ERBIN: variants seen among roughly 807,000 people sequenced by gnomAD.
The protein encoded by ERBIN is densin-180-like protein.
A neutral mutation model predicts 158.4 loss-of-function variants in ERBIN; 60 were observed. The observed-to-expected ratio is 0.38, with a 90% CI of 0.31 to 0.47. ERBIN has a LOEUF of 0.47. ERBIN is among the 20% of genes least tolerant of loss of function. ERBIN has a pLI of 0.99. For synonymous variants in ERBIN, 594 were observed against 557.2 expected, an observed-to-expected ratio of 1.07 and a Z score of -0.93; for missense variants, 1,610 against 1,648.0, an observed-to-expected ratio of 0.98 and a Z score of 0.40.
At chr5:65,962,417 T>G (rs1225953945) in intron 1 of ERBIN, among the ~76,000 whole-genome samples, 1 of 152,182 alleles carries the variant, frequency 6.6e-6, no homozygotes, top group Non-Finnish European at 1.5e-5. Flanking sequence ...GTAATTTGGG[T>G]GTGGAATAAC....
At chr5:66,043,946 A>C (rs878861837) in intron 16 of ERBIN, among the ~76,000 whole-genome samples, 191 bp from the exon 17 acceptor site, 1 of 152,206 alleles carries the variant, frequency 6.6e-6, no homozygotes, top group South Asian at 2.1e-4. Context: ...AATTTACTGC[A>C]AAGTCTTATT....
chr5:66,069,226 G>T (rs1561454103), intron 21 of ERBIN, among the ~76,000 whole-genome samples: 1 of 152,188 alleles, frequency 6.6e-6, no homozygotes, highest in African/African-American at 2.4e-5. Flanking sequence ...ATAAACTAAT[G>T]ATGTAGTCAG....
rs145377396 is a variant in ERBIN, at chr5:65,967,736, G to A, written c.-57-20899G>A. Among the ~76,000 whole-genome samples the A allele has an allele frequency of 1.2e-3, 183 of 152,286 alleles. 1 individual carries two copies. Among genetic ancestry groups the A allele is most frequent in the Middle Eastern group, 0.01 (3 of 294 alleles). On this transcript the variant is annotated intron_variant, in intron 1 of 25. Transcript: ENST00000284037. Reference sequence around the variant, plus strand: ...TCAGACCTTATACCAATTATTTATTGTGAAATAAACCATCTGAAACTTAGT... The same window carrying A: ...TCAGACCTTATACCAATTATTTATTATGAAATAAACCATCTGAAACTTAGT...
chr5:66,063,501 G>T (rs547211570), intron 21 of ERBIN, among the ~76,000 whole-genome samples: 6 of 152,254 alleles, frequency 3.9e-5, no homozygotes, highest in Non-Finnish European at 8.8e-5. Flanking sequence ...GTGAGGCGAT[G>T]CCTCACCCTG....
At chr5:66,062,979 T>A (rs558356081) in intron 21 of ERBIN, among the ~76,000 whole-genome samples, 2 of 152,282 alleles carry the variant, frequency 1.3e-5, no homozygotes, top group East Asian at 3.9e-4. Context: ...TTAGGCTACT[T>A]GAGGGTCAGG....
chr5:65,930,795 TTC>T (rs1743271524), intron 1 of ERBIN, among the ~76,000 whole-genome samples: 2 of 152,262 alleles, frequency 1.3e-5, no homozygotes, highest in Admixed American at 1.3e-4. Context: ...CTGTTCCTTC[TTC>T]TCTGTACCTT....
At chr5:65,937,864 G>A (rs910227933) in intron 1 of ERBIN, among the ~76,000 whole-genome samples, 28 of 152,292 alleles carry the variant, frequency 1.8e-4, no homozygotes, top group African/African-American at 6.7e-4. Context: ...AGCCGAGATC[G>A]TGCCACTGCA....
At chr5:65,977,198 A>AC (rs1156593026) in intron 1 of ERBIN, among the ~76,000 whole-genome samples, 1,902 of 55,178 alleles carry the variant, frequency 0.034, 112 homozygotes, top group African/African-American at 0.11. Context: ...CGGGGGGCTG[A>AC]CCCCCCCCCA....
intron 1 of ERBIN, among the ~76,000 whole-genome samples, chr5:65,942,459 C>G (rs1306382986): frequency 1.3e-5 from 2 of 152,188 alleles, no homozygotes; most frequent in Non-Finnish European, 2.9e-5. Context: ...GGTTTTCCAT[C>G]TTCTCTTTGG....
intron 4 of ERBIN, among the ~76,000 whole-genome samples, chr5:65,996,835 C>T (rs1453542952): frequency 6.6e-6 from 1 of 151,858 alleles, no homozygotes; most frequent in African/African-American, 2.4e-5. Context: ...GTGTATATGT[C>T]TTTTACCTCT....
At chr5:66,046,961 A>G (rs150584544) in intron 18 of ERBIN, among the ~76,000 whole-genome samples, 3,129 of 152,258 alleles carry the variant, frequency 0.021, 45 homozygotes, top group South Asian at 0.044. Context: ...TTTAAAAAAC[A>G]GCTTTATTGA....
At chr5:66,070,192 G>A (rs752879805) in intron 21 of ERBIN, among the ~76,000 whole-genome samples, 4 of 151,978 alleles carry the variant, frequency 2.6e-5, no homozygotes, top group African/African-American at 7.2e-5. Context: ...TTACAGGTGC[G>A]CACCACCACA....
chr5:65,928,759 C>T (rs1742995576), intron 1 of ERBIN, among the ~76,000 whole-genome samples: 1 of 152,126 alleles, frequency 6.6e-6, no homozygotes, highest in Non-Finnish European at 1.5e-5. Flanking sequence ...GTTAGTTTAT[C>T]ACCGAATTAA....
intron 1 of ERBIN, among the ~76,000 whole-genome samples, chr5:65,949,196 AG>A (rs560507548): frequency 6.0e-4 from 91 of 152,304 alleles, no homozygotes; most frequent in African/African-American, 2.1e-3. Flanking sequence ...ATTATTATAA[AG>A]TTTATAGTTT....
chr5:65,983,074 A>T (rs983191093), intron 1 of ERBIN, among the ~76,000 whole-genome samples: 1 of 152,238 alleles, frequency 6.6e-6, no homozygotes, highest in Admixed American at 6.5e-5. Context: ...TTGCAAATGT[A>T]AGGATTCCTT....
intron 1 of ERBIN, among the ~76,000 whole-genome samples, chr5:65,972,094 T>TG (rs1187301534): frequency 5.9e-5 from 9 of 152,138 alleles, no homozygotes; most frequent in Admixed American, 5.9e-4. Context: ...CATTGTGAAT[T>TG]GGGGGGCTAT....
chr5:65,977,242 G>T, intron 1 of ERBIN, among the ~76,000 whole-genome samples: 1 of 147,528 alleles, frequency 6.8e-6, no homozygotes, highest in East Asian at 2.0e-4. Flanking sequence ...GGCCGGGCGG[G>T]GGGCTGACCC....
chr5:66,056,772 C>A (rs111331136), intron 21 of ERBIN, among the ~76,000 whole-genome samples: 1 of 152,032 alleles, frequency 6.6e-6, no homozygotes, highest in Non-Finnish European at 1.5e-5. Flanking sequence ...TTTGAAGTTA[C>A]GAGGGGTGCT....
At chr5:65,958,065 G>A (rs1230564303) in intron 1 of ERBIN, among the ~76,000 whole-genome samples, 1 of 151,514 alleles carries the variant, frequency 6.6e-6, no homozygotes, top group Admixed American at 6.6e-5. Flanking sequence ...GACGATGGGC[G>A]GCAGGGCAGA....
Sources: allele counts gnomAD v4.1 joint callset (sites outside exome capture counted in the v4.1 genomes callset), GRCh38; gene constraint gnomAD v4.1.1; transcripts MANE v1.5; gene names NCBI Gene and HGNC (gene_info 2026-07-23, HGNC 2026-07-21).